Variants in ASTN1 observed in about 807,000 individuals in gnomAD.
The protein encoded by ASTN1 is astrotactin-1.
A neutral mutation model predicts 140.7 loss-of-function variants in ASTN1; 41 were observed. The ratio of observed to expected loss-of-function variants is 0.29; its 90% CI spans 0.23 to 0.38. The LOEUF is 0.38. Ranked by LOEUF, ASTN1 falls within the 10% of genes least tolerant of loss-of-function variation. The pLI, the probability that ASTN1 is intolerant of heterozygous loss-of-function variation, is 1.00. For synonymous variants in ASTN1, 640 were observed against 652.2 expected (o/e 0.98, Z 0.29); for missense variants, 1,479 against 1,678.8 (o/e 0.88, Z 2.08).
chr1:177,080,157 G>T (rs1388673087), intron 1 of ASTN1, among the ~76,000 whole-genome samples: 1 of 150,910 alleles, frequency 6.6e-6, no homozygotes, highest in South Asian at 2.1e-4. Flanking sequence ...AAAATCAATT[G>T]GGAACGTAAG....
At position 176,996,491 on chromosome 1, in the gene ASTN1, G is replaced by A. The variant is rs554362318; in HGVS notation, c.1523+18300C>T. ...GTAACCTCACTATGCCCTACATTCT[G>A]TACTGCTGGCCCTAGGAAGTTTAAT... On this transcript the variant is annotated intron_variant, in intron 8 of 22. Transcript: ENST00000361833. Among the ~76,000 whole-genome samples, 331 of 152,198 alleles carry A rather than the reference G, an allele frequency of 2.2e-3. 1 individual carries two copies. Among genetic ancestry groups the A allele is most frequent in the Non-Finnish European group, 3.3e-3 (225 of 68,022 alleles).
intron 1 of ASTN1, among the ~76,000 whole-genome samples, chr1:177,112,340 A>G (rs1246104342): frequency 6.6e-6 from 1 of 152,244 alleles, no homozygotes; most frequent in Non-Finnish European, 1.5e-5. Flanking sequence ...TTGAAGGCAC[A>G]CAAGCCAGTT....
intron 9 of ASTN1, 61 bp from the exon 10 acceptor site, chr1:176,958,543 G>C: frequency 6.6e-7 from 1 of 1,505,638 alleles, no homozygotes; most frequent in South Asian, 1.3e-5. Flanking sequence ...ACCACTGGGG[G>C]ATCTAGCATT....
intron 8 of ASTN1, among the ~76,000 whole-genome samples, chr1:176,986,825 A>G (rs1258585611): frequency 1.3e-5 from 2 of 152,258 alleles, no homozygotes; most frequent in Admixed American, 1.3e-4. Flanking sequence ...AAAGATGAAA[A>G]GAATTAACAC....
intron 1 of ASTN1, among the ~76,000 whole-genome samples, chr1:177,079,614 G>T (rs1679083154): frequency 6.6e-6 from 1 of 151,760 alleles, no homozygotes; most frequent in Admixed American, 6.6e-5. Context: ...GCTTCTTTCT[G>T]CCATGCCATT....
Position 176,862,347 on chromosome 1 carries a change from T to A in ASTN1, c.*1937A>T. 1 of 985,402 alleles carries A rather than the reference T, an allele frequency of 1.0e-6. No homozygotes were observed. The highest frequency in any genetic ancestry group is 1.2e-6 in the Non-Finnish European group (1 of 829,970). The allele number at this position is 985,402 out of a possible 1,614,324, so 61.0% of individuals were successfully genotyped here. A position where few individuals can be genotyped will look rare whatever the true frequency, so the allele number is the denominator to read the frequency against. ...GCCTCATCACAGGCTTCCTTCCCAGTCATGAGGGTGGGGAGGAGGGCCATG... is the reference window on the plus strand; with the variant it reads ...GCCTCATCACAGGCTTCCTTCCCAGACATGAGGGTGGGGAGGAGGGCCATG... On this transcript the variant is annotated 3_prime_UTR_variant, in exon 23 of 23. Coordinates refer to ENST00000361833, the MANE Select transcript of ASTN1 (RefSeq NM_004319.3).
intron 16 of ASTN1, among the ~76,000 whole-genome samples, chr1:176,933,683 C>A (rs189899366): frequency 6.6e-6 from 1 of 152,124 alleles, no homozygotes; most frequent in African/African-American, 2.4e-5. Context: ...ACAAATCAGT[C>A]GGAAAAATGA....
intron 2 of ASTN1, among the ~76,000 whole-genome samples, chr1:177,041,025 A>C (rs7517550): frequency 0.52 from 79,124 of 152,030 alleles, 21,455 homozygotes; most frequent in Non-Finnish European, 0.6. Flanking sequence ...CTGCTTAGAG[A>C]TCTCTCATCA....
intron 1 of ASTN1, among the ~76,000 whole-genome samples, chr1:177,126,308 T>C (rs1317584609): frequency 1.3e-5 from 2 of 152,206 alleles, no homozygotes; most frequent in African/African-American, 4.8e-5. Context: ...ATGGCTTTGC[T>C]GCTTAGGAAT....
intron 1 of ASTN1, among the ~76,000 whole-genome samples, chr1:177,102,870 C>A (rs574850503): frequency 4.6e-5 from 7 of 152,274 alleles, no homozygotes; most frequent in African/African-American, 1.4e-4. Context: ...GTGGTGCCAA[C>A]CCAAAAGACT....
intron 2 of ASTN1, among the ~76,000 whole-genome samples, chr1:177,058,601 T>G (rs1035851610): frequency 8.5e-5 from 13 of 152,144 alleles, no homozygotes; most frequent in African/African-American, 3.1e-4. Flanking sequence ...AACACTATAA[T>G]GTAGGGTTTT....
At chr1:177,004,496 A>G (rs1269916592) in intron 8 of ASTN1, among the ~76,000 whole-genome samples, 1 of 152,178 alleles carries the variant, frequency 6.6e-6, no homozygotes, top group Non-Finnish European at 1.5e-5. Flanking sequence ...AACAACAACA[A>G]CAACAACAAA....
chr1:177,124,481 G>A (rs1194438739), intron 1 of ASTN1, among the ~76,000 whole-genome samples: 1 of 152,168 alleles, frequency 6.6e-6, no homozygotes, highest in Non-Finnish European at 1.5e-5. Context: ...GATTTAGTAA[G>A]GGCGTGAGTG....
At chr1:176,945,278 C>G (rs1169288178) in intron 13 of ASTN1, among the ~76,000 whole-genome samples, 2 of 152,052 alleles carry the variant, frequency 1.3e-5, no homozygotes, top group East Asian at 3.8e-4. Context: ...TTATGTCTAT[C>G]AATATGTACA....
chr1:177,000,436 T>C (rs1424652707), intron 8 of ASTN1, among the ~76,000 whole-genome samples: 1 of 152,170 alleles, frequency 6.6e-6, no homozygotes, highest in Non-Finnish European at 1.5e-5. Flanking sequence ...ATAAAACTTA[T>C]GATCTAAAGA....
intron 1 of ASTN1, among the ~76,000 whole-genome samples, chr1:177,129,697 G>A (rs72720727): frequency 0.027 from 4,122 of 152,322 alleles, 67 homozygotes; most frequent in African/African-American, 0.047. Flanking sequence ...CGCTGGAAGT[G>A]GTGGCTCACG....
At position 177,056,565 on chromosome 1, in the gene ASTN1, A is replaced by G. The variant is rs1042200490; in HGVS notation, c.471+4513T>C. ...AGTTATCAATACAGAAAAATTTCAT[A>G]TATATATATATATATATATATACAC... On this transcript the variant is annotated intron_variant, in intron 2 of 22. Coordinates refer to ENST00000361833, the MANE Select transcript of ASTN1 (RefSeq NM_004319.3). 7.1e-5 allele frequency among the ~76,000 whole-genome samples: 10 copies of G among 140,422 alleles called. 1 individual carries two copies. The South Asian group carries it at 1.6e-3, about 23-fold the overall frequency. 92.1% of individuals were successfully genotyped at this position (140,422 alleles called of 152,430 possible). A position where few individuals can be genotyped will look rare whatever the true frequency, so the allele number is the denominator to read the frequency against.
chr1:176,965,331 C>G lies in ASTN1; in HGVS notation c.1524-94G>C, dbSNP rs1165568558. On this transcript the variant is annotated intron_variant, in intron 8 of 22. Coordinates refer to ENST00000361833, the MANE Select transcript of ASTN1 (RefSeq NM_004319.3). ...AGGCACAGTGCTAGGTGGTAGACAC[C>G]CAGCCATCCAGGGCATAGCCTCTGC... The G allele has an allele frequency of 2.4e-6, 3 of 1,236,632 alleles. No homozygotes were observed. In the Admixed American group the frequency reaches 5.5e-5, roughly 23 times the overall value. The allele number at this position is 1,236,632 out of a possible 1,614,324, so 76.6% of individuals were successfully genotyped here. A position where few individuals can be genotyped will look rare whatever the true frequency, so the allele number is the denominator to read the frequency against.
At chr1:177,057,494 A>G (rs2102025844) in intron 2 of ASTN1, among the ~76,000 whole-genome samples, 2 of 152,368 alleles carry the variant, frequency 1.3e-5, no homozygotes, top group South Asian at 2.1e-4. Flanking sequence ...AAGTATACAT[A>G]CAAAATGAGA....
Sources: allele counts gnomAD v4.1 joint callset (sites outside exome capture counted in the v4.1 genomes callset), GRCh38; gene constraint gnomAD v4.1.1; transcripts MANE v1.5; gene names NCBI Gene and HGNC (gene_info 2026-07-23, HGNC 2026-07-21).